Variants in POU2F3 observed in about 807,000 individuals in gnomAD.
POU2F3 encodes the protein POU class 2 homeobox 3.
A neutral mutation model predicts 59.2 loss-of-function variants in POU2F3; 23 were observed. The observed-to-expected ratio is 0.39, with a 90% CI of 0.28 to 0.55. The LOEUF (loss-of-function observed/expected upper bound fraction) is 0.55. POU2F3 is among the 20% of genes least tolerant of loss of function. POU2F3 has a pLI of 0.66. For synonymous variants in POU2F3, 190 were observed against 214.6 expected (o/e 0.89, Z 1.00); for missense variants, 473 against 544.5 (o/e 0.87, Z 1.31).
intron 2 of POU2F3, among the ~76,000 whole-genome samples, chr11:120,264,811 A>C (rs1221916797): frequency 1.3e-5 from 2 of 152,160 alleles, no homozygotes; most frequent in Admixed American, 6.5e-5. Context: ...GACTCTTTCT[A>C]AGCATACCCT....
At chr11:120,292,184 G>A (rs1317224373) in intron 3 of POU2F3, among the ~76,000 whole-genome samples, 1 of 152,136 alleles carries the variant, frequency 6.6e-6, no homozygotes, top group Non-Finnish European at 1.5e-5. Context: ...AGAGATGAGT[G>A]AAGTAATGTA....
intron 3 of POU2F3, among the ~76,000 whole-genome samples, chr11:120,275,386 T>C (rs1300950392): frequency 6.6e-6 from 1 of 151,812 alleles, no homozygotes; most frequent in Non-Finnish European, 1.5e-5. Context: ...TTGCCTGGAG[T>C]CTCTCCACTC....
intron 2 of POU2F3, chr11:120,249,830 A>G (rs552608624): frequency 1.3e-5 from 2 of 152,300 alleles, no homozygotes; most frequent in East Asian, 3.9e-4. Flanking sequence ...AGATAGAGAC[A>G]CGATTAACCC....
chr11:120,307,376 A>G, intron 8 of POU2F3, 103 bp from the exon 9 acceptor site: 2 of 1,349,958 alleles, frequency 1.5e-6, no homozygotes, highest in Non-Finnish European at 2.1e-6. Context: ...TGAAAATGCC[A>G]CTGCAGAGCC....
chr11:120,261,644 A>G (rs1939608692), intron 2 of POU2F3, among the ~76,000 whole-genome samples: 4 of 152,158 alleles, frequency 2.6e-5, no homozygotes, highest in Non-Finnish European at 5.9e-5. Context: ...TTATTTGTAT[A>G]CAGAACCAAC....
intron 3 of POU2F3, among the ~76,000 whole-genome samples, chr11:120,272,664 C>T (rs1046736708): frequency 1.8e-4 from 27 of 152,272 alleles, no homozygotes; most frequent in African/African-American, 6.0e-4. Flanking sequence ...CATGGCTCAT[C>T]GGGAAGTTTC....
chr11:120,248,562 A>G (rs1446504261), intron 2 of POU2F3, among the ~76,000 whole-genome samples: 1 of 152,068 alleles, frequency 6.6e-6, no homozygotes, highest in African/African-American at 2.4e-5. Flanking sequence ...ATCAGCCCGG[A>G]AGGTTGGTTT....
intron 10 of POU2F3, among the ~76,000 whole-genome samples, chr11:120,311,722 G>A (rs1319744749): frequency 6.6e-6 from 1 of 152,214 alleles, no homozygotes; most frequent in African/African-American, 2.4e-5. Flanking sequence ...CTGGAAGGCT[G>A]GGATGGAGAC....
At chr11:120,306,662 T>C (rs1394199668) in intron 8 of POU2F3, among the ~76,000 whole-genome samples, 2 of 152,012 alleles carry the variant, frequency 1.3e-5, no homozygotes, top group African/African-American at 4.8e-5. Context: ...AGTGAGCCAG[T>C]CTCCAGGGCT....
chr11:120,309,522 A>G lies in POU2F3; in HGVS notation c.1004A>G (p.Lys335Arg). Residue 335 changes from lysine (K) to arginine (R), a missense_variant, in exon 10 of 13, where the codon AAG (lysine) becomes AGG (arginine). Lys to Arg is a conservative substitution (Grantham distance 26, BLOSUM62 2). Coordinates refer to ENST00000543440, the MANE Select transcript of POU2F3 (RefSeq NM_014352.4). Reference sequence around the variant, plus strand: ...GTCTGGTTCTGCAACCGACGCCAAAAGGAGAAGCGAATCAACTGCCCTGTG... The same window carrying G: ...GTCTGGTTCTGCAACCGACGCCAAAGGGAGAAGCGAATCAACTGCCCTGTG... ...VRVWFCNRRQ[K>R]EKRINCPVAT... 1 of 1,614,104 alleles carries G rather than the reference A, an allele frequency of 6.2e-7. No homozygotes were observed. Among genetic ancestry groups the G allele is most frequent in the Non-Finnish European group, 8.5e-7 (1 of 1,180,020 alleles).
In POU2F3 at chr11:120,252,828, G is replaced by A. The variant is rs150110091; in HGVS notation, c.97+6311G>A. On this transcript the variant is annotated intron_variant, in intron 2 of 12. Coordinates refer to ENST00000543440, the MANE Select transcript of POU2F3 (RefSeq NM_014352.4). ...CAGGATTGTATGGTTCAGATGAGCC[G>A]TGAGGAGTTGGCTAGCCCTGCCCGA... Among the ~76,000 whole-genome samples the A allele has an allele frequency of 5.1e-4, 77 of 152,292 alleles. 1 individual carries two copies. The highest frequency in any genetic ancestry group is 5.9e-4 in the Non-Finnish European group (40 of 68,010).
At chr11:120,247,132 A>G (rs535939801) in intron 2 of POU2F3, among the ~76,000 whole-genome samples, 253 of 152,376 alleles carry the variant, frequency 1.7e-3, no homozygotes, top group South Asian at 7.9e-3. Context: ...GAATTAAAAA[A>G]GAGAGTTTCA....
At chr11:120,254,318 A>G (rs994722863) in intron 2 of POU2F3, 19 of 152,370 alleles carry the variant, frequency 1.2e-4, no homozygotes, top group African/African-American at 4.6e-4. Context: ...CGCATAGACA[A>G]GCAGACATAC....
intron 1 of POU2F3, among the ~76,000 whole-genome samples, chr11:120,242,103 A>G (rs999882450): frequency 3.3e-5 from 5 of 151,950 alleles, no homozygotes; most frequent in Admixed American, 2.6e-4. Flanking sequence ...ATCTCTCTCC[A>G]TTTGCCTGCT....
At chr11:120,280,025 T>C (rs1940499623) in intron 3 of POU2F3, among the ~76,000 whole-genome samples, 2 of 152,162 alleles carry the variant, frequency 1.3e-5, no homozygotes, top group African/African-American at 4.8e-5. Context: ...GTCCTTCACC[T>C]GATTGTGCAG....
At position 120,254,551 on chromosome 11, in the gene POU2F3, G is replaced by A. The variant is rs576287920; in HGVS notation, c.97+8034G>A. ...GATGACCCACTCCTAGGACTGTCTA[G>A]GAGGTGAAGAAGTGGAAAGGGGGAA... On this transcript the variant is annotated intron_variant, in intron 2 of 12. Coordinates refer to ENST00000543440, the MANE Select transcript of POU2F3 (RefSeq NM_014352.4). 3.3e-4 allele frequency among the ~76,000 whole-genome samples: 51 copies of A among 152,296 alleles called. No homozygotes were observed. In the South Asian group the frequency reaches 9.5e-3, roughly 28 times the overall value.
intron 2 of POU2F3, among the ~76,000 whole-genome samples, chr11:120,248,925 T>C (rs1255519544): frequency 2.6e-5 from 4 of 152,182 alleles, no homozygotes; most frequent in Non-Finnish European, 4.4e-5. Flanking sequence ...GGGTGGTTTG[T>C]CTCTGGGTTT....
intron 3 of POU2F3, among the ~76,000 whole-genome samples, chr11:120,289,620 G>A (rs1290415157): frequency 6.6e-6 from 1 of 152,118 alleles, no homozygotes; most frequent in Non-Finnish European, 1.5e-5. Context: ...GGAAGAGAAA[G>A]CCCCGTTTCA....
At chr11:120,273,432 A>C (rs1363466082) in intron 3 of POU2F3, among the ~76,000 whole-genome samples, 2 of 152,134 alleles carry the variant, frequency 1.3e-5, no homozygotes, top group Admixed American at 1.3e-4. Context: ...ACTAGCAGAG[A>C]GGGTTGGCAG....
Sources: allele counts gnomAD v4.1 joint callset (sites outside exome capture counted in the v4.1 genomes callset), GRCh38; gene constraint gnomAD v4.1.1; transcripts MANE v1.5; gene names NCBI Gene and HGNC (gene_info 2026-07-23, HGNC 2026-07-21).